The following SCTR variants were observed in gnomAD, a reference collection of about 807,000 sequenced individuals.
SCTR encodes the protein secretin receptor.
In SCTR, 56 loss-of-function variants were observed where a neutral mutation model predicts 60.8. The ratio of observed to expected loss-of-function variants is 0.92; its 90% CI spans 0.74 to 1.15. The LOEUF (loss-of-function observed/expected upper bound fraction) is 1.15, where lower values mean the gene tolerates loss of function less well. Ranked by LOEUF, SCTR falls within the 50% of genes most tolerant of loss-of-function variation. The pLI is 0.00. For missense variants in SCTR, 562 were observed against 550.4 expected, an observed-to-expected ratio of 1.02 and a Z score of -0.21; for synonymous variants, 202 against 217.0, an observed-to-expected ratio of 0.93 and a Z score of 0.61.
chr2:119,478,739 C>G, intron 3 of SCTR, 72 bp downstream of exon 3: 3 of 1,454,928 alleles, frequency 2.1e-6, no homozygotes, highest in Non-Finnish European at 2.9e-6. Flanking sequence ...GGCCTCCTGC[C>G]TCTAAGCTGA....
chr2:119,474,255 C>CGCGGGCTG (rs963148431), intron 3 of SCTR, among the ~76,000 whole-genome samples: 5 of 152,214 alleles, frequency 3.3e-5, no homozygotes, highest in Admixed American at 3.3e-4. Context: ...GCTTATCAAA[C>CGCGGGCTG]GCGGGCTGGC....
chr2:119,485,253 C>T (rs1371595079), intron 2 of SCTR, among the ~76,000 whole-genome samples: 1 of 152,200 alleles, frequency 6.6e-6, no homozygotes, highest in Non-Finnish European at 1.5e-5. Flanking sequence ...TATTTTTGCC[C>T]AAAGGGGTTT....
chr2:119,460,032 ATGGCCCGGGG>A (rs1351095670), intron 7 of SCTR, among the ~76,000 whole-genome samples: 1 of 151,872 alleles, frequency 6.6e-6, no homozygotes, highest in African/African-American at 2.4e-5. Context: ...CAACCTCCCG[ATGGCCCGGGG>A]TCAGGTGCTG....
chr2:119,468,486 A>G (rs1159124639), intron 4 of SCTR, among the ~76,000 whole-genome samples: 1 of 152,258 alleles, frequency 6.6e-6, no homozygotes, highest in Non-Finnish European at 1.5e-5. Flanking sequence ...AAATGGGGAT[A>G]ATAATATCTA....
At chr2:119,496,551 C>A (rs545194733) in intron 1 of SCTR, among the ~76,000 whole-genome samples, 1 of 152,260 alleles carries the variant, frequency 6.6e-6, no homozygotes, top group Non-Finnish European at 1.5e-5. Flanking sequence ...ACAAAACAAA[C>A]ATAAGAAGAC....
At chr2:119,452,836 C>A in intron 8 of SCTR, among the ~76,000 whole-genome samples, 1 of 152,138 alleles carries the variant, frequency 6.6e-6, no homozygotes. Flanking sequence ...TGTACCTACT[C>A]CCAGGTGCGT....
intron 1 of SCTR, among the ~76,000 whole-genome samples, chr2:119,516,826 G>A (rs1326218822): frequency 6.6e-6 from 1 of 152,146 alleles, no homozygotes; most frequent in Non-Finnish European, 1.5e-5. Flanking sequence ...AGGCATGGTG[G>A]CGCATGCCTC....
chr2:119,478,913 C>T lies in SCTR; in HGVS notation c.199G>A (p.Glu67Lys). 3.7e-6 allele frequency: 6 copies of T among 1,614,184 alleles called. No homozygotes were observed. Among genetic ancestry groups the T allele is most frequent in the Non-Finnish European group, 5.1e-6 (6 of 1,180,008 alleles). Residue 67 changes from glutamate (E) to lysine (K), a missense_variant, in exon 3 of 13, where the codon GAG becomes AAG. Physicochemically the swap from Glu to Lys is moderately conservative, Grantham distance 56 (BLOSUM62 1). Transcript: ENST00000019103. ...LGTEQPVPGCEGMWDNISCWP... is the reference protein window; with the variant it reads ...LGTEQPVPGCKGMWDNISCWP... ...CAGCTTATGTTGTCCCACATCCCCT[C>T]ACAACCTGCCAAGAAAAGCAGCATC...
In SCTR at chr2:119,462,025, C is replaced by A. The variant is rs780855393; in HGVS notation, c.637-25G>T. On this transcript the variant is annotated intron_variant, in intron 6 of 12. Coordinates refer to ENST00000019103, the MANE Select transcript of SCTR (RefSeq NM_002980.3). ...CCTGGAGAGAGAGAGGCAGCTGAACCCAGGCCGGGTGGCAGTGGGGTTCCC... is the reference window on the plus strand; with the variant it reads ...CCTGGAGAGAGAGAGGCAGCTGAACACAGGCCGGGTGGCAGTGGGGTTCCC... 1.5e-5 allele frequency: 23 copies of A among 1,580,986 alleles called. No individual in the cohort carries two copies. In the East Asian group the frequency reaches 4.8e-4, roughly 33 times the overall value.
chr2:119,509,149 C>T (rs1678853589), intron 1 of SCTR, among the ~76,000 whole-genome samples: 3 of 152,302 alleles, frequency 2.0e-5, no homozygotes, highest in South Asian at 4.1e-4. Context: ...GAAATGCTTA[C>T]CTGCATTTCA....
chr2:119,470,106 A>G (rs1037669835), intron 4 of SCTR, among the ~76,000 whole-genome samples: 11 of 152,170 alleles, frequency 7.2e-5, no homozygotes, highest in African/African-American at 2.7e-4. Context: ...TTATTTACAA[A>G]AGCAGGCAGT....
At position 119,462,017 on chromosome 2, in the gene SCTR, A is replaced by T; in HGVS notation, c.637-17T>A. On this transcript the variant is annotated splice_polypyrimidine_tract_variant and intron_variant, in intron 6 of 12. Transcript: ENST00000019103. ...GCAGCCCGCCTGGAGAGAGAGAGGC[A>T]GCTGAACCCAGGCCGGGTGGCAGTG... 1 of 1,585,626 alleles carries T rather than the reference A, an allele frequency of 6.3e-7. No individual in the cohort carries two copies. Among genetic ancestry groups the T allele is most frequent in the Non-Finnish European group, 8.6e-7 (1 of 1,164,058 alleles).
chr2:119,440,406 T>G, intron 12 of SCTR, 149 bp from the exon 13 acceptor site: 1 of 857,100 alleles, frequency 1.2e-6, no homozygotes, highest in Non-Finnish European at 1.8e-6. Flanking sequence ...ATTGACTGTT[T>G]CCAGCCCCAA....
Position 119,522,422 on chromosome 2 carries a change from A to G in SCTR, c.72+1733T>C, listed in dbSNP as rs531081229. Among the ~76,000 whole-genome samples the G allele has an allele frequency of 2.0e-5, 3 of 152,306 alleles. No homozygotes were observed. In the South Asian group the frequency reaches 6.2e-4, roughly 32 times the overall value. On this transcript the variant is annotated intron_variant, in intron 1 of 12. Transcript: ENST00000019103. ...TGGGTTAAGTGGGGTATGTGGGGCG[A>G]GTAGAGCTGCTAGTCCCGGCTCTAC...
chr2:119,524,366 C>T lies in SCTR; in HGVS notation c.-140G>A. ...GAGGAGCCATGGCTGAGCCACCCGA[C>T]CTGCGGCGGGCCCCGGGACTGCTCC... On this transcript the variant is annotated 5_prime_UTR_variant, in exon 1 of 13. Transcript: ENST00000019103. 6.1e-6 allele frequency: 3 copies of T among 494,020 alleles called. No homozygotes were observed. The highest frequency in any genetic ancestry group is 9.9e-6 in the Non-Finnish European group (3 of 304,542). The allele number at this position is 494,020 out of a possible 1,614,324, so 30.6% of individuals were successfully genotyped here. A position where few individuals can be genotyped will look rare whatever the true frequency, so the allele number is the denominator to read the frequency against.
chr2:119,490,860 C>A (rs1180739490), intron 2 of SCTR, among the ~76,000 whole-genome samples: 1 of 152,200 alleles, frequency 6.6e-6, no homozygotes, highest in Non-Finnish European at 1.5e-5. Context: ...GCACAGCAGG[C>A]TGGAAGTGCA....
intron 1 of SCTR, among the ~76,000 whole-genome samples, chr2:119,500,128 A>T (rs774863061): frequency 6.6e-6 from 1 of 152,208 alleles, no homozygotes; most frequent in Non-Finnish European, 1.5e-5. Flanking sequence ...AGAAAAATGC[A>T]AATCAAAACC....
intron 2 of SCTR, among the ~76,000 whole-genome samples, chr2:119,491,441 T>G (rs1247039520): frequency 6.6e-6 from 1 of 152,220 alleles, no homozygotes; most frequent in East Asian, 1.9e-4. Context: ...GCCTCCTGAT[T>G]AGACACTCAG....
chr2:119,499,682 A>G (rs1370697531), intron 1 of SCTR, among the ~76,000 whole-genome samples: 1 of 152,134 alleles, frequency 6.6e-6, no homozygotes, highest in Non-Finnish European at 1.5e-5. Context: ...GAAAAATCAC[A>G]TGATCATATC....
Sources: gnomAD v4.1 joint callset for allele counts (sites outside exome capture counted in the v4.1 genomes callset) on GRCh38, gnomAD v4.1.1 for gene constraint, MANE v1.5 for transcripts, NCBI Gene and HGNC (gene_info 2026-07-23, HGNC 2026-07-21) for gene names.